HTR2C: variants seen among roughly 807,000 people sequenced by gnomAD.
HTR2C encodes the protein 5-hydroxytryptamine (serotonin) receptor 2C, G protein-coupled.
In HTR2C, 5 loss-of-function variants were observed where a neutral mutation model predicts 21.0. The ratio of observed to expected loss-of-function variants is 0.24; its 90% CI spans 0.12 to 0.50. HTR2C has a LOEUF of 0.50. HTR2C is among the 20% of genes least tolerant of loss of function. HTR2C has a pLI of 0.98. For missense variants in HTR2C, 271 were observed against 371.2 expected, an observed-to-expected ratio of 0.73 and a Z score of 2.22; for synonymous variants, 150 against 145.3, an observed-to-expected ratio of 1.03 and a Z score of -0.23.
chrX:114,704,286 T>A (rs1317273320), intron 2 of HTR2C, among the ~76,000 whole-genome samples: 3 of 111,427 alleles, frequency 2.7e-5, no homozygotes, highest in Non-Finnish European at 5.7e-5. Flanking sequence ...ATATCCTTGA[T>A]GAACATTGAT....
chrX:114,726,825 C>G (rs187423794), intron 2 of HTR2C, 33 bp from the exon 3 acceptor site: 97 of 492,386 alleles, frequency 2.0e-4, no homozygotes, highest in Non-Finnish European at 3.0e-4. Context: ...CGATGTTTAA[C>G]TAATTTTCTC....
chrX:114,650,327 A>G (rs1556408281), intron 2 of HTR2C, among the ~76,000 whole-genome samples: 2 of 111,770 alleles, frequency 1.8e-5, no homozygotes, highest in South Asian at 3.8e-4. Flanking sequence ...ACATCATTCC[A>G]TGCTTAAGAC....
intron 4 of HTR2C, among the ~76,000 whole-genome samples, chrX:114,843,282 A>G (rs1556466211): frequency 9.0e-6 from 1 of 111,646 alleles, no homozygotes. Flanking sequence ...AAGGGATAAA[A>G]TTGTAAACAA....
chrX:114,601,907 G>T (rs1928118088), intron 1 of HTR2C, among the ~76,000 whole-genome samples: 1 of 95,182 alleles, frequency 1.1e-5, no homozygotes, highest in Non-Finnish European at 2.1e-5. Flanking sequence ...GGGAGGTCTT[G>T]TGGTAAGGGG....
chrX:114,844,023 A>G (rs1416989990), intron 4 of HTR2C, among the ~76,000 whole-genome samples: 9 of 111,685 alleles, frequency 8.1e-5, no homozygotes, highest in African/African-American at 2.6e-4. Context: ...AAGGACGCCA[A>G]AAAGTACCTT....
intron 4 of HTR2C, among the ~76,000 whole-genome samples, chrX:114,847,178 T>C (rs1556467786): frequency 9.1e-6 from 1 of 110,262 alleles, no homozygotes; most frequent in Non-Finnish European, 1.9e-5. Context: ...TCTATTTATA[T>C]GAAATATCCA....
chrX:114,824,286 C>G (rs1556457464), intron 4 of HTR2C, among the ~76,000 whole-genome samples: 2 of 111,641 alleles, frequency 1.8e-5, no homozygotes, highest in Non-Finnish European at 3.8e-5. Flanking sequence ...GGGCCCAGCT[C>G]TTAAAAACAT....
At chrX:114,857,536 C>T (rs1556471401) in intron 5 of HTR2C, among the ~76,000 whole-genome samples, 1 of 111,064 alleles carries the variant, frequency 9.0e-6, no homozygotes, top group African/African-American at 3.3e-5. Context: ...TTAAGCATTT[C>T]GACGTCCTCT....
At chrX:114,776,796 G>A (rs781888465) in intron 4 of HTR2C, 14 of 269,052 alleles carry the variant, frequency 5.2e-5, no homozygotes, top group African/African-American at 2.3e-4. Context: ...GTGTAGGGCC[G>A]GCTCTGACTA....
intron 2 of HTR2C, among the ~76,000 whole-genome samples, chrX:114,689,383 T>C (rs781981676): frequency 1.8e-5 from 2 of 109,547 alleles, no homozygotes; most frequent in South Asian, 7.8e-4. Flanking sequence ...AGTAGTGGAA[T>C]TGCTGGATCA....
At chrX:114,687,326 T>C (rs782562956) in intron 2 of HTR2C, among the ~76,000 whole-genome samples, 210 of 112,344 alleles carry the variant, frequency 1.9e-3, no homozygotes, top group African/African-American at 6.1e-3. Context: ...TACTTAAAAA[T>C]GTATTCGTGT....
At chrX:114,689,430 C>T (rs1057191773) in intron 2 of HTR2C, among the ~76,000 whole-genome samples, 4 of 109,531 alleles carry the variant, frequency 3.7e-5, no homozygotes, top group African/African-American at 6.6e-5. Context: ...AAGGAATCTC[C>T]GTACTGTTTT....
intron 2 of HTR2C, among the ~76,000 whole-genome samples, chrX:114,662,607 C>CT (rs1931030099): frequency 8.9e-6 from 1 of 111,789 alleles, no homozygotes; most frequent in Middle Eastern, 4.7e-3. Context: ...ATGAAATATA[C>CT]TTTTTTTCTA....
At chrX:114,882,899 CTGGTATTA>C (rs1316756187) in intron 5 of HTR2C, among the ~76,000 whole-genome samples, 1 of 110,405 alleles carries the variant, frequency 9.1e-6, no homozygotes, top group Non-Finnish European at 1.9e-5. Context: ...TTGGGAAGAA[CTGGTATTA>C]TTTCTTCTTT....
chrX:114,653,338 A>G (rs1456890165), intron 2 of HTR2C, among the ~76,000 whole-genome samples: 1 of 110,519 alleles, frequency 9.0e-6, no homozygotes, highest in Non-Finnish European at 1.9e-5. Context: ...TTTATTTTTA[A>G]CCTTTTTCTT....
chrX:114,765,982 C>T (rs1366205761), intron 4 of HTR2C, among the ~76,000 whole-genome samples: 1 of 111,435 alleles, frequency 9.0e-6, no homozygotes, highest in Non-Finnish European at 1.9e-5. Context: ...GATTTTCATA[C>T]TCATACGCTT....
chrX:114,749,158 C>A (rs782462667), intron 4 of HTR2C, among the ~76,000 whole-genome samples: 4 of 109,245 alleles, frequency 3.7e-5, no homozygotes, highest in African/African-American at 1.3e-4. Context: ...ACAACAACAA[C>A]AAACCACTTG....
chrX:114,740,586 T>G (rs190566088), intron 4 of HTR2C, among the ~76,000 whole-genome samples: 1 of 111,785 alleles, frequency 8.9e-6, no homozygotes, highest in East Asian at 2.8e-4. Context: ...AGAGAGAGAT[T>G]AATTAAATAT....
chrX:114,611,360 T>A (rs1363744933), intron 1 of HTR2C, among the ~76,000 whole-genome samples: 3 of 112,092 alleles, frequency 2.7e-5, no homozygotes, highest in Non-Finnish European at 5.6e-5. Flanking sequence ...CTCATGCGTT[T>A]CTGCGATGCG....
Sources: gnomAD v4.1 joint callset for allele counts (sites outside exome capture counted in the v4.1 genomes callset) on GRCh38, gnomAD v4.1.1 for gene constraint, MANE v1.5 for transcripts, NCBI Gene and HGNC (gene_info 2026-07-23, HGNC 2026-07-21) for gene names.